Variants in APBB2 observed in about 807,000 individuals in gnomAD.
APBB2 encodes Fe65-like 1.
APBB2 carries 38 observed loss-of-function variants against 82.5 expected under a neutral mutation model. The ratio of observed to expected loss-of-function variants is 0.46; its 90% CI spans 0.36 to 0.60. The LOEUF is 0.60. APBB2 is among the 20% of genes least tolerant of loss of function. APBB2 has a pLI of 0.00. For synonymous variants in APBB2, 341 were observed against 368.2 expected, an observed-to-expected ratio of 0.93 and a Z score of 0.85; for missense variants, 772 against 972.3, an observed-to-expected ratio of 0.79 and a Z score of 2.74.
At chr4:41,122,240 T>C (rs1399880234) in intron 2 of APBB2, among the ~76,000 whole-genome samples, 2 of 152,168 alleles carry the variant, frequency 1.3e-5, no homozygotes, top group Admixed American at 6.5e-5. Flanking sequence ...TTAATATATG[T>C]TAATCAACAA....
intron 6 of APBB2, among the ~76,000 whole-genome samples, chr4:40,984,730 C>CTTAT (rs1014404388): frequency 1.3e-5 from 2 of 152,048 alleles, no homozygotes; most frequent in African/African-American, 2.4e-5. Flanking sequence ...ATTGCTTATT[C>CTTAT]TTATTTATTT....
chr4:40,857,273 T>C, intron 12 of APBB2: 1 of 682,532 alleles, frequency 1.5e-6, no homozygotes, highest in Non-Finnish European at 1.8e-6. Context: ...CGTGAAGTGC[T>C]CCCGCTAGGT....
intron 1 of APBB2, among the ~76,000 whole-genome samples, chr4:41,192,725 T>C (rs935597020): frequency 1.3e-4 from 20 of 152,276 alleles, no homozygotes; most frequent in African/African-American, 4.6e-4. Flanking sequence ...AACTGTACTA[T>C]ATTTGGGATT....
chr4:40,856,296 T>C (rs762122190), intron 12 of APBB2, among the ~76,000 whole-genome samples: 8 of 152,202 alleles, frequency 5.3e-5, no homozygotes, highest in Non-Finnish European at 1.2e-4. Context: ...GTTACAATAT[T>C]GGTATAGGGA....
intron 6 of APBB2, among the ~76,000 whole-genome samples, chr4:41,013,307 T>C (rs772458812): frequency 7.9e-5 from 12 of 152,196 alleles, no homozygotes; most frequent in Non-Finnish European, 1.8e-4. Flanking sequence ...TCTAAATATA[T>C]GATATTTTAC....
At chr4:41,018,586 G>A (rs1007327543) in intron 5 of APBB2, among the ~76,000 whole-genome samples, 3 of 152,208 alleles carry the variant, frequency 2.0e-5, no homozygotes, top group African/African-American at 7.2e-5. Flanking sequence ...TGTATATTCT[G>A]AGTGTGTGTG....
intron 2 of APBB2, among the ~76,000 whole-genome samples, chr4:41,101,470 C>CAAAAAAAAAAAAAAAAAAAA (rs150527764): frequency 1.4e-5 from 1 of 72,524 alleles, no homozygotes; most frequent in Non-Finnish European, 2.4e-5. Flanking sequence ...GACTCCGTCT[C>CAAAAAAAAAAAAAAAAAAAA]AAAAAAAAAA....
In APBB2 at chr4:40,945,022, C is replaced by G; in HGVS notation, c.887G>C (p.Gly296Ala). 1 of 1,612,200 alleles carries G rather than the reference C, an allele frequency of 6.2e-7. No homozygotes were observed. The change falls in exon 7 of 18, where the codon GGC (glycine) becomes GCC (alanine). Residue 296 changes from glycine (G) to alanine (A), a missense_variant. Physicochemically the swap from Gly to Ala is moderately conservative, Grantham distance 60. Coordinates refer to ENST00000508593, the MANE Select transcript of APBB2 (RefSeq NM_004307.2). ...SFQTDPDLPP[G>A]WKRVSDIAGT... ...GGCAATGTCACTGACTCTTTTCCAG[C>G]CAGGCGGCAAATCTGGATCAGTCTG...
chr4:40,953,934 G>A (rs1011343178), intron 6 of APBB2, among the ~76,000 whole-genome samples: 1 of 152,196 alleles, frequency 6.6e-6, no homozygotes, highest in Non-Finnish European at 1.5e-5. Flanking sequence ...ATAGCAAGGC[G>A]AAGAGCCCCA....
chr4:41,186,019 T>C (rs1345070623), intron 1 of APBB2, among the ~76,000 whole-genome samples: 2 of 152,158 alleles, frequency 1.3e-5, no homozygotes, highest in Admixed American at 6.5e-5. Context: ...CTAAGGCAAA[T>C]TGATTCACAA....
chr4:41,136,845 T>C (rs1308757222), intron 2 of APBB2, among the ~76,000 whole-genome samples: 1 of 152,186 alleles, frequency 6.6e-6, no homozygotes, highest in Non-Finnish European at 1.5e-5. Flanking sequence ...TAGGAGTTTA[T>C]TAGAAAACAA....
At chr4:41,121,655 A>G (rs1355127796) in intron 2 of APBB2, among the ~76,000 whole-genome samples, 1 of 152,148 alleles carries the variant, frequency 6.6e-6, no homozygotes, top group African/African-American at 2.4e-5. Flanking sequence ...TGTCTTGCCC[A>G]CTGGCTCCCA....
At chr4:41,054,796 G>A (rs73809499) in intron 4 of APBB2, among the ~76,000 whole-genome samples, 1,671 of 151,966 alleles carry the variant, frequency 0.011, 23 homozygotes, top group African/African-American at 0.038. Context: ...GGTGCAGCTC[G>A]CTATTCCCCA....
chr4:40,890,173 A>C, intron 12 of APBB2, 191 bp downstream of exon 12: 2 of 687,860 alleles, frequency 2.9e-6, no homozygotes, highest in Non-Finnish European at 4.5e-6. Context: ...TGAGATACAG[A>C]AACCAGGAAG....
intron 6 of APBB2, among the ~76,000 whole-genome samples, chr4:40,984,492 G>C (rs1799895134): frequency 6.6e-6 from 1 of 152,134 alleles, no homozygotes. Context: ...AAGGAAGGGT[G>C]GGGGGTCAGG....
chr4:40,853,095 C>T (rs1007518966), intron 12 of APBB2, among the ~76,000 whole-genome samples: 1 of 152,046 alleles, frequency 6.6e-6, no homozygotes, highest in African/African-American at 2.4e-5. Context: ...TAGATCACAC[C>T]CCTTCCTGCA....
At chr4:40,891,565 T>C (rs1433560246) in intron 11 of APBB2, among the ~76,000 whole-genome samples, 1 of 152,144 alleles carries the variant, frequency 6.6e-6, no homozygotes, top group African/African-American at 2.4e-5. Flanking sequence ...ATTCTCAGAG[T>C]GAAATACAGC....
At chr4:41,095,324 T>A (rs1743130261) in intron 3 of APBB2, among the ~76,000 whole-genome samples, 1 of 152,230 alleles carries the variant, frequency 6.6e-6, no homozygotes, top group African/African-American at 2.4e-5. Context: ...AAACAACAGC[T>A]AGCAGCAGCC....
At chr4:41,074,958 T>A (rs953703886) in intron 3 of APBB2, among the ~76,000 whole-genome samples, 1 of 152,044 alleles carries the variant, frequency 6.6e-6, no homozygotes, top group African/African-American at 2.4e-5. Context: ...AACACAAGCC[T>A]GAGAAACATG....
Sources: allele counts gnomAD v4.1 joint callset (sites outside exome capture counted in the v4.1 genomes callset), GRCh38; gene constraint gnomAD v4.1.1; transcripts MANE v1.5; gene names NCBI Gene and HGNC (gene_info 2026-07-23, HGNC 2026-07-21).